The following WDFY3 variants were observed in gnomAD, a reference collection of about 807,000 sequenced individuals.
The protein encoded by WDFY3 is WD repeat and FYVE domain-containing protein 3.
WDFY3 carries 66 observed loss-of-function variants against 409.6 expected under a neutral mutation model. The observed-to-expected ratio is 0.16, with a 90% CI of 0.13 to 0.20. The LOEUF (loss-of-function observed/expected upper bound fraction) is 0.20. Among genes scored for constraint, WDFY3 ranks in the 10% least tolerant of loss-of-function variants. WDFY3 has a pLI of 1.00. For synonymous variants in WDFY3, 1,521 were observed against 1,537.1 expected (o/e 0.99, Z 0.25); for missense variants, 3,031 against 4,298.1 (o/e 0.71, Z 8.24).
chr4:84,874,070 C>T (rs193173912), intron 3 of WDFY3, among the ~76,000 whole-genome samples: 88 of 151,736 alleles, frequency 5.8e-4, no homozygotes, highest in Middle Eastern at 3.4e-3. Flanking sequence ...TGTGAGCCAC[C>T]GCCCCAGGCC....
chr4:84,961,634 T>C (rs1431987557), intron 1 of WDFY3, among the ~76,000 whole-genome samples: 2 of 152,156 alleles, frequency 1.3e-5, no homozygotes, highest in East Asian at 3.9e-4. Flanking sequence ...AGTGAGATCA[T>C]AACTGATGCC....
intron 1 of WDFY3, among the ~76,000 whole-genome samples, chr4:84,937,322 C>CCAG (rs1200516924): frequency 4.6e-5 from 7 of 152,136 alleles, no homozygotes; most frequent in African/African-American, 1.7e-4. Context: ...CTATTGGTTT[C>CCAG]ATCCTATCTC....
In WDFY3 at chr4:84,796,624, C is replaced by T; in HGVS notation, c.3064G>A (p.Val1022Met). 1 of 1,614,116 alleles carries T rather than the reference C, an allele frequency of 6.2e-7. No homozygotes were observed. Among genetic ancestry groups the T allele is most frequent in the Non-Finnish European group, 8.5e-7 (1 of 1,179,986 alleles). Reference sequence around the variant, plus strand: ...GTTGTCATGGAGACCAGACACTTCACCCTGGTCAGGGGTACAGTACTTCCT... The same window carrying T: ...GTTGTCATGGAGACCAGACACTTCATCCTGGTCAGGGGTACAGTACTTCCT... ...AEGSTVPLTR[V>M]KCLVSMTTPH... The change falls in exon 19 of 68, where the codon GTG becomes ATG. Residue 1022 changes from valine (V) to methionine (M), a missense_variant. Physicochemically the swap from Val to Met is conservative, Grantham distance 21. Around this residue, in one of 16 missense-constraint regions of WDFY3, gnomAD observed 1,322 missense variants for 1,697.9 expected, o/e 0.78. Transcript: ENST00000295888.
intron 1 of WDFY3, among the ~76,000 whole-genome samples, chr4:84,938,412 T>G (rs1453116700): frequency 6.6e-6 from 1 of 152,154 alleles, no homozygotes; most frequent in Non-Finnish European, 1.5e-5. Flanking sequence ...TCCATAAATT[T>G]GATAAATTAA....
At chr4:84,702,247 T>G in intron 56 of WDFY3, 106 bp downstream of exon 56, 2 of 1,227,800 alleles carry the variant, frequency 1.6e-6, no homozygotes, top group Non-Finnish European at 2.2e-6. Context: ...TGTATCAAAT[T>G]TTTTTCTTGT....
At chr4:84,853,339 T>A (rs1390579549) in intron 4 of WDFY3, among the ~76,000 whole-genome samples, 1 of 151,600 alleles carries the variant, frequency 6.6e-6, no homozygotes, top group African/African-American at 2.4e-5. Context: ...CCCGGCTAAT[T>A]TTTTTTGTAT....
intron 4 of WDFY3, among the ~76,000 whole-genome samples, chr4:84,853,231 C>A (rs1361574132): frequency 6.6e-6 from 1 of 152,152 alleles, no homozygotes; most frequent in Non-Finnish European, 1.5e-5. Context: ...GGTGCAATGG[C>A]ACAATCTCGG....
chr4:84,724,499 A>G lies in WDFY3; in HGVS notation c.7368T>C (p.Ile2456=). 6.2e-7 allele frequency: 1 copy of G among 1,614,178 alleles called. No homozygotes were observed. Among genetic ancestry groups the G allele is most frequent in the Non-Finnish European group, 8.5e-7 (1 of 1,180,004 alleles). ...SGNPAIVQDA[I]VESSEGEAAQ... is the part of the protein sequence containing the mutation. ...CAGCTTCACCTTCTGAACTCTCCAC[A>G]ATGGCGTCTTGGACAATGGCGGGAT... Residue 2456 remains isoleucine, a synonymous_variant, in exon 46 of 68, where the codon ATT becomes ATC. Transcript: ENST00000295888.
chr4:84,835,753 A>C (rs1756481200), intron 7 of WDFY3, among the ~76,000 whole-genome samples: 1 of 152,128 alleles, frequency 6.6e-6, no homozygotes, highest in South Asian at 2.1e-4. Context: ...ATACAGCTCT[A>C]TCTTTTCTAC....
rs781043437 is a variant in WDFY3 at position 84,803,444 on chromosome 4, G to A, written c.2453C>T (p.Thr818Ile). 8.7e-6 allele frequency: 14 copies of A among 1,612,858 alleles called. No individual in the cohort carries two copies. Among genetic ancestry groups the A allele is most frequent in the Non-Finnish European group, 1.0e-5 (12 of 1,179,610 alleles). ...RKRHAYHSVS[T>I]PPVYPPKNVA... ...ATTTTTAGGAGGGTAAACAGGGGGA[G>A]TTGAAACAGAATGATATGCATGCCT... The change falls in exon 16 of 68, where the codon ACT becomes ATT. Residue 818 changes from threonine (T) to isoleucine (I), a missense_variant. Thr to Ile is a moderately conservative substitution (Grantham distance 89). Coordinates refer to ENST00000295888, the MANE Select transcript of WDFY3 (RefSeq NM_014991.6).
intron 39 of WDFY3, among the ~76,000 whole-genome samples, chr4:84,739,794 C>T (rs189893972): frequency 2.6e-5 from 4 of 152,200 alleles, no homozygotes; most frequent in East Asian, 1.9e-4. Flanking sequence ...TGCTTGGCCC[C>T]GGCAGACTCT....
intron 3 of WDFY3, among the ~76,000 whole-genome samples, chr4:84,861,768 T>C (rs114448253): frequency 0.016 from 2,452 of 152,248 alleles, 73 homozygotes; most frequent in African/African-American, 0.055. Flanking sequence ...AAACTAACCA[T>C]TGAGTTAAAG....
rs777312332 is a variant in WDFY3 at position 84,810,304 on chromosome 4, G to A, written c.1928C>T (p.Thr643Ile). 6.2e-7 allele frequency: 1 copy of A among 1,604,068 alleles called. No homozygotes were observed. Among genetic ancestry groups the A allele is most frequent in the East Asian group, 2.3e-5 (1 of 44,162 alleles). Residue 643 changes from threonine to isoleucine, a missense_variant, in exon 14 of 68, where the codon ACA (threonine) becomes ATA (isoleucine). Around this residue, in one of 16 missense-constraint regions of WDFY3, gnomAD observed 1,322 missense variants for 1,697.9 expected, o/e 0.78. Transcript: ENST00000295888. ...SVLRESHRSR[T>I]VFRKVGGFVY... ...AAATCCTCCAACTTTCCTAAAAACT[G>A]TTCTTGAACGATGGCTTTCTCGAAG...
In WDFY3 at chr4:84,775,809, C is replaced by G. The variant is rs560037054; in HGVS notation, c.4519-671G>C. On this transcript the variant is annotated intron_variant, in intron 27 of 67. Transcript: ENST00000295888. ...GTGGACAAAGGGGACAATGAAATGA[C>G]TGACATCTTTAATGTGTGAAAACAA... is the stretch of plus-strand genomic sequence containing the variant. Among the ~76,000 whole-genome samples the G allele has an allele frequency of 4.6e-5, 7 of 151,884 alleles. No individual in the cohort carries two copies. The South Asian group carries it at 6.2e-4, about 14-fold the overall frequency.
In WDFY3 at chr4:84,810,000, A is replaced by C; in HGVS notation, c.2232T>G (p.Phe744Leu). Residue 744 changes from phenylalanine (F) to leucine (L), a missense_variant, in exon 14 of 68, where the codon TTT becomes TTG. This residue lies in a region of WDFY3 where 1,322 missense variants were observed against 1,697.9 expected (regional missense o/e 0.78). Transcript: ENST00000295888. ...TTACATCTTCCTCTAAAAGTCTTTG[A>C]AATGGCTGTGTATTTGAGGGGAAGA... ...MNVFPSNTQP[F>L]QRLLEEDVIS... The C allele has an allele frequency of 6.2e-7, 1 of 1,614,200 alleles. No homozygotes were observed. Among genetic ancestry groups the C allele is most frequent in the Non-Finnish European group, 8.5e-7 (1 of 1,180,014 alleles).
At chr4:84,881,421 G>A (rs922561834) in intron 3 of WDFY3, among the ~76,000 whole-genome samples, 1 of 151,932 alleles carries the variant, frequency 6.6e-6, no homozygotes, top group Non-Finnish European at 1.5e-5. Flanking sequence ...CAAGAAAGAC[G>A]GCCACATCTT....
chr4:84,886,669 G>A (rs1223553403), intron 3 of WDFY3, among the ~76,000 whole-genome samples: 2 of 152,084 alleles, frequency 1.3e-5, no homozygotes, highest in African/African-American at 4.8e-5. Flanking sequence ...AAGGAAGGGA[G>A]GAAGGGAAGG....
intron 1 of WDFY3, among the ~76,000 whole-genome samples, chr4:84,964,576 A>G (rs542013900): frequency 5.3e-4 from 80 of 152,376 alleles, no homozygotes; most frequent in African/African-American, 1.9e-3. Flanking sequence ...GAATCCAACT[A>G]ATATTGAAAT....
intron 65 of WDFY3, 130 bp from the exon 66 acceptor site, chr4:84,678,409 T>G (rs746408721): frequency 1.6e-6 from 1 of 622,434 alleles, no homozygotes; most frequent in Non-Finnish European, 2.9e-6. Flanking sequence ...TTTCCAGTTC[T>G]CGGCAGCTGC....
Sources: gnomAD v4.1 joint callset for allele counts (sites outside exome capture counted in the v4.1 genomes callset) on GRCh38, gnomAD v4.1.1 for gene constraint, gnomAD v4.1.1 regional missense constraint, MANE v1.5 for transcripts, NCBI Gene and HGNC (gene_info 2026-07-23, HGNC 2026-07-21) for gene names.